Variants in FGD5 observed in about 807,000 individuals in gnomAD.
FGD5 encodes FYVE, RhoGEF and PH domain-containing protein 5.
FGD5 carries 28 observed loss-of-function variants against 133.4 expected under a neutral mutation model. That is an observed-to-expected ratio of 0.21 (90% confidence interval 0.16 to 0.29). The LOEUF is 0.29. Among genes scored for constraint, FGD5 ranks in the 10% least tolerant of loss-of-function variants. FGD5 has a pLI of 1.00. For synonymous variants in FGD5, 810 were observed against 776.5 expected, an observed-to-expected ratio of 1.04 and a Z score of -0.72; for missense variants, 1,858 against 1,895.2, an observed-to-expected ratio of 0.98 and a Z score of 0.36.
intron 4 of FGD5, among the ~76,000 whole-genome samples, chr3:14,883,221 A>T (rs1023558069): frequency 2.0e-5 from 3 of 152,210 alleles, no homozygotes; most frequent in Non-Finnish European, 4.4e-5. Context: ...ATTTTTAAAC[A>T]TTTGTGAAAA....
At chr3:14,883,370 AG>A (rs1262286206) in intron 4 of FGD5, among the ~76,000 whole-genome samples, 17 of 152,206 alleles carry the variant, frequency 1.1e-4, no homozygotes, top group African/African-American at 3.9e-4. Flanking sequence ...CCCAGTCATA[AG>A]AACTTTCCTC....
intron 1 of FGD5, among the ~76,000 whole-genome samples, chr3:14,837,866 G>A (rs58190292): frequency 0.025 from 3,861 of 152,298 alleles, 164 homozygotes; most frequent in African/African-American, 0.086. Flanking sequence ...AAGTGATTTC[G>A]TAGGGCTGTT....
chr3:14,839,764 C>T (rs2036882915), intron 1 of FGD5, among the ~76,000 whole-genome samples: 1 of 152,116 alleles, frequency 6.6e-6, no homozygotes, highest in Non-Finnish European at 1.5e-5. Context: ...AACCCAGTCT[C>T]TACTAAAAAT....
At chr3:14,898,558 G>A (rs1169033069) in intron 6 of FGD5, among the ~76,000 whole-genome samples, 181 bp from the exon 7 acceptor site, 2 of 152,112 alleles carry the variant, frequency 1.3e-5, no homozygotes, top group Non-Finnish European at 2.9e-5. Context: ...AGCAGTTACA[G>A]CAGGGCCGGG....
chr3:14,917,466 C>T lies in FGD5; in HGVS notation c.3489+134C>T. 1 of 774,202 alleles carries T rather than the reference C, an allele frequency of 1.3e-6. No individual in the cohort carries two copies. Among genetic ancestry groups the T allele is most frequent in the Admixed American group, 2.6e-5 (1 of 38,096 alleles). The allele number at this position is 774,202 out of a possible 1,614,324, so 48.0% of individuals were successfully genotyped here. ...GCCCTGCGGAAACAGTGTTGGGCTA[C>T]AGCAAGTTTGTGCTGTAAGTTGCCC... On this transcript the variant is annotated intron_variant, in intron 12 of 19. Coordinates refer to ENST00000285046, the MANE Select transcript of FGD5 (RefSeq NM_152536.4). The surrounding 1 kb of genome is among the most constrained non-coding windows in gnomAD (Gnocchi z 4.1).
chr3:14,922,005 C>T lies in FGD5; in HGVS notation c.3657C>T (p.His1219=), dbSNP rs2038690769. 3 of 1,560,576 alleles carry T rather than the reference C, an allele frequency of 1.9e-6. No individual in the cohort carries two copies. The highest frequency in any genetic ancestry group is 1.4e-5 in the African/African-American group (1 of 73,576). The stretch of plus-strand genomic sequence containing the variant: ...AGGCCCAGGCGCTGGCTGCATTCCA[C>T]CATAGCGTGGAGGTGAGTGGGTGGG... The part of the protein sequence containing the change: ...DYKAQALAAF[H]HSVEIRERLG... Residue 1219 remains histidine (H), a synonymous_variant, in exon 14 of 20, where the codon CAC becomes CAT. Transcript: ENST00000285046. This position sits in a 1 kb window ranked among gnomAD's most constrained non-coding sequence, Gnocchi z 4.1.
intron 1 of FGD5, among the ~76,000 whole-genome samples, chr3:14,828,546 A>G (rs188449713): frequency 1.5e-4 from 23 of 152,310 alleles, no homozygotes; most frequent in Middle Eastern, 3.4e-3. Flanking sequence ...TGAGTGTAAC[A>G]GTAGGACATT....
rs2037452958 is a variant in FGD5 at position 14,864,228 on chromosome 3, A to G, written c.2626A>G (p.Ser876Gly). The change falls in exon 2 of 20, where the codon AGT becomes GGT. Residue 876 changes from serine to glycine, a missense_variant. Physicochemically the swap from Ser to Gly is moderately conservative, Grantham distance 56. Transcript: ENST00000285046. The part of the protein sequence containing the change: ...EEQRSSEEED[S>G]ASRDPSVTHK... ...GCAGAGAAGCTCGGAGGAGGAGGACAGTGCTTCAAGAGACCCCAGTGTCAC... is the reference window on the plus strand; with the variant it reads ...GCAGAGAAGCTCGGAGGAGGAGGACGGTGCTTCAAGAGACCCCAGTGTCAC... 3.7e-6 allele frequency: 6 copies of G among 1,614,018 alleles called. No homozygotes were observed. Among genetic ancestry groups the G allele is most frequent in the Admixed American group, 1.7e-5 (1 of 60,024 alleles).
chr3:14,908,413 C>T (rs898084606), intron 10 of FGD5, among the ~76,000 whole-genome samples: 14 of 152,250 alleles, frequency 9.2e-5, no homozygotes, highest in Middle Eastern at 3.4e-3. Flanking sequence ...TCTGAATGGA[C>T]TCCTCGTGGG....
intron 1 of FGD5, among the ~76,000 whole-genome samples, chr3:14,859,215 A>G (rs1189729305): frequency 6.6e-6 from 1 of 152,236 alleles, no homozygotes; most frequent in Non-Finnish European, 1.5e-5. Flanking sequence ...AATCAAGGTC[A>G]TTAACATATC....
At chr3:14,873,462 C>T (rs780294412) in intron 2 of FGD5, among the ~76,000 whole-genome samples, 2 of 152,148 alleles carry the variant, frequency 1.3e-5, no homozygotes, top group Admixed American at 6.5e-5. Context: ...GAGGCAAAAA[C>T]AGATGGGATG....
chr3:14,919,444 C>A (rs2038628662), intron 13 of FGD5, among the ~76,000 whole-genome samples: 1 of 152,042 alleles, frequency 6.6e-6, no homozygotes, highest in African/African-American at 2.4e-5. Flanking sequence ...CAGTGAAACC[C>A]CGTCTCTACT....
intron 1 of FGD5, among the ~76,000 whole-genome samples, chr3:14,843,868 ATT>A (rs1220034234): frequency 6.6e-6 from 1 of 151,072 alleles, no homozygotes; most frequent in Non-Finnish European, 1.5e-5. Flanking sequence ...TAATTTTTGT[ATT>A]TTTTAGTAGA....
At chr3:14,896,217 C>T (rs1296045849) in intron 4 of FGD5, among the ~76,000 whole-genome samples, 2 of 152,114 alleles carry the variant, frequency 1.3e-5, no homozygotes, top group Non-Finnish European at 2.9e-5. Context: ...CTACCCAAGG[C>T]AGTTTATAAA....
chr3:14,913,877 C>G (rs2125147227), intron 11 of FGD5, among the ~76,000 whole-genome samples: 1 of 152,302 alleles, frequency 6.6e-6, no homozygotes, highest in Non-Finnish European at 1.5e-5. Context: ...TCTATGGAAG[C>G]CTAGCCACCA....
At chr3:14,876,392 T>C (rs1302010210) in intron 2 of FGD5, among the ~76,000 whole-genome samples, 1 of 152,226 alleles carries the variant, frequency 6.6e-6, no homozygotes, top group Non-Finnish European at 1.5e-5. Context: ...AGAATTTTTG[T>C]TTCTGTGAAT....
chr3:14,843,577 C>T lies in FGD5; in HGVS notation c.2526-20551C>T, dbSNP rs191790945. On this transcript the variant is annotated intron_variant, in intron 1 of 19. Transcript: ENST00000285046. ...TGGGCTCTCACTGTTGATAAGGTCA[C>T]GGCCAGCCCCTCCCCACCAAGGGAG... 3.9e-4 allele frequency among the ~76,000 whole-genome samples: 59 copies of T among 152,050 alleles called. No homozygotes were observed. In the South Asian group the frequency reaches 9.3e-3, roughly 24 times the overall value.
chr3:14,848,364 C>T (rs1211519042), intron 1 of FGD5, among the ~76,000 whole-genome samples: 1 of 142,802 alleles, frequency 7.0e-6, no homozygotes, highest in Non-Finnish European at 1.5e-5. Context: ...CCATGGAAAT[C>T]TGGTCTGCTT....
intron 9 of FGD5, among the ~76,000 whole-genome samples, chr3:14,901,886 G>A (rs1351881727): frequency 6.6e-6 from 1 of 152,210 alleles, no homozygotes; most frequent in Non-Finnish European, 1.5e-5. Flanking sequence ...GCTTAGTGGA[G>A]TAACTAAATA....
Sources: gnomAD v4.1 joint callset for allele counts (sites outside exome capture counted in the v4.1 genomes callset) on GRCh38, gnomAD v4.1.1 for gene constraint, Gnocchi (gnomAD v3.1) non-coding constraint, MANE v1.5 for transcripts, NCBI Gene and HGNC (gene_info 2026-07-23, HGNC 2026-07-21) for gene names.